UPP2: variants seen among roughly 807,000 people sequenced by gnomAD.
UPP2 encodes uridine phosphorylase 2.
In UPP2, 23 loss-of-function variants were observed where a neutral mutation model predicts 26.7. The observed-to-expected ratio is 0.86, with a 90% CI of 0.62 to 1.22. UPP2 has a LOEUF of 1.22. Among genes scored for constraint, UPP2 ranks in the 50% most tolerant of loss-of-function variants. UPP2 has a pLI of 0.00. For missense variants in UPP2, 387 were observed against 396.7 expected, an observed-to-expected ratio of 0.98 and a Z score of 0.21; for synonymous variants, 127 against 141.3, an observed-to-expected ratio of 0.90 and a Z score of 0.72.
intron 3 of UPP2, among the ~76,000 whole-genome samples, chr2:158,092,345 A>T (rs536148605): frequency 6.6e-6 from 1 of 152,234 alleles, no homozygotes; most frequent in Non-Finnish European, 1.5e-5. Context: ...TCTAGATGCA[A>T]CCAGAAAGAA....
At chr2:158,112,872 A>G (rs1233777512) in intron 2 of UPP2, among the ~76,000 whole-genome samples, 2 of 152,212 alleles carry the variant, frequency 1.3e-5, no homozygotes, top group Non-Finnish European at 2.9e-5. Context: ...AAAATCCTTA[A>G]CATATTTTTG....
At chr2:158,019,487 G>C (rs537016218) in intron 3 of UPP2, among the ~76,000 whole-genome samples, 1 of 152,246 alleles carries the variant, frequency 6.6e-6, no homozygotes, top group Non-Finnish European at 1.5e-5. Context: ...GGTTCATCTT[G>C]CTTCCTCTTA....
intron 3 of UPP2, among the ~76,000 whole-genome samples, chr2:158,039,501 A>C (rs571406914): frequency 5.3e-5 from 8 of 152,350 alleles, no homozygotes; most frequent in African/African-American, 1.9e-4. Context: ...AACTTGCTCA[A>C]GGTTACATAG....
intron 3 of UPP2, among the ~76,000 whole-genome samples, chr2:158,021,135 G>C (rs75179196): frequency 6.6e-6 from 1 of 152,190 alleles, no homozygotes; most frequent in East Asian, 1.9e-4. Flanking sequence ...AGAGGAAACT[G>C]TATCAAAACA....
intron 2 of UPP2, among the ~76,000 whole-genome samples, chr2:157,997,197 A>G (rs1455947835): frequency 6.6e-6 from 1 of 152,240 alleles, no homozygotes; most frequent in African/African-American, 2.4e-5. Context: ...TCAAAAAATC[A>G]GTAAAATATA....
At chr2:158,009,516 G>C (rs1212029647) in intron 2 of UPP2, among the ~76,000 whole-genome samples, 1 of 152,218 alleles carries the variant, frequency 6.6e-6, no homozygotes, top group Non-Finnish European at 1.5e-5. Flanking sequence ...GGGAGTCTGT[G>C]TGCAGATGAA....
intron 3 of UPP2, among the ~76,000 whole-genome samples, chr2:158,028,796 GGCA>G (rs1683875617): frequency 6.6e-6 from 1 of 152,140 alleles, no homozygotes; most frequent in East Asian, 1.9e-4. Flanking sequence ...CTTACATGGC[GGCA>G]GCAAGAGAAA....
chr2:158,038,015 G>A (rs1378150238), intron 3 of UPP2, among the ~76,000 whole-genome samples: 1 of 152,148 alleles, frequency 6.6e-6, no homozygotes, highest in Non-Finnish European at 1.5e-5. Flanking sequence ...TATCCTCAAT[G>A]GGTAGAAGCA....
chr2:158,006,504 A>G (rs1029591066), intron 2 of UPP2, among the ~76,000 whole-genome samples: 2 of 150,790 alleles, frequency 1.3e-5, no homozygotes, highest in East Asian at 1.9e-4. Context: ...AAAAAAGTCC[A>G]TAATTCCCAA....
chr2:158,058,624 T>C (rs1558917502), intron 3 of UPP2, among the ~76,000 whole-genome samples: 1 of 151,908 alleles, frequency 6.6e-6, no homozygotes, highest in African/African-American at 2.4e-5. Context: ...ATCCAGTCTG[T>C]GGTATTTTTT....
At chr2:158,075,508 T>C (rs1460859004) in intron 3 of UPP2, among the ~76,000 whole-genome samples, 1 of 151,960 alleles carries the variant, frequency 6.6e-6, no homozygotes, top group Non-Finnish European at 1.5e-5. Context: ...CACCATGGAA[T>C]AGAACTAGAA....
rs1683925795 is a variant in UPP2, at chr2:158,136,101, T to C, written c.*1211T>C. 6.6e-6 allele frequency: 1 copy of C among 152,110 alleles called. No individual in the cohort carries two copies. 9.4% of individuals were successfully genotyped at this position (152,110 alleles called of 1,614,324 possible). A position where few individuals can be genotyped will look rare whatever the true frequency, so the allele number is the denominator to read the frequency against. On this transcript the variant is annotated 3_prime_UTR_variant, in exon 7 of 7. Coordinates refer to ENST00000005756, the MANE Select transcript of UPP2 (RefSeq NM_173355.4). ...GGGAATGTCTTTCTCTTTCAAGCAA[T>C]GACAATAAACAAGAGGTATTTATCA...
chr2:158,043,253 A>T (rs1684105400), intron 3 of UPP2, among the ~76,000 whole-genome samples: 1 of 152,172 alleles, frequency 6.6e-6, no homozygotes, highest in African/African-American at 2.4e-5. Context: ...GCCTCAGGGG[A>T]GCTGGCCTGG....
At chr2:158,021,688 C>T (rs1341608810) in intron 3 of UPP2, among the ~76,000 whole-genome samples, 1 of 152,096 alleles carries the variant, frequency 6.6e-6, no homozygotes, top group African/African-American at 2.4e-5. Context: ...TTTTAATTTG[C>T]TTTTATCACT....
At chr2:158,086,103 T>C (rs1223054401) in intron 3 of UPP2, among the ~76,000 whole-genome samples, 1 of 152,152 alleles carries the variant, frequency 6.6e-6, no homozygotes, top group Non-Finnish European at 1.5e-5. Flanking sequence ...GAATGTCTGA[T>C]AGAATTCAGG....
Position 158,123,755 on chromosome 2 carries a change from G to T in UPP2, c.671G>T (p.Gly224Val), listed in dbSNP as rs1435549925. 7 of 1,613,714 alleles carry T rather than the reference G, an allele frequency of 4.3e-6. No individual in the cohort carries two copies. Among genetic ancestry groups the T allele is most frequent in the African/African-American group, 1.3e-5 (1 of 75,054 alleles). The change falls in exon 6 of 7, where the codon GGC (glycine) becomes GTC (valine). Residue 224 changes from glycine (G) to valine (V), a missense_variant. Gly to Val is a moderately radical substitution (Grantham distance 109, BLOSUM62 -3). Coordinates refer to ENST00000005756, the MANE Select transcript of UPP2 (RefSeq NM_173355.4). ...MCTYDFYEGQ[G>V]RLDGALCSFS... ...GTTCTCCCCTCCCTTTCAGGCCAAG[G>T]CCGACTAGATGGAGCACTGTGCTCC...
chr2:158,119,577 A>G (rs1401366477), intron 4 of UPP2, among the ~76,000 whole-genome samples: 1 of 152,094 alleles, frequency 6.6e-6, no homozygotes, highest in African/African-American at 2.4e-5. Context: ...AACCTTAACC[A>G]TGACATAATA....
chr2:158,023,042 C>T (rs2105149908), intron 3 of UPP2, among the ~76,000 whole-genome samples: 1 of 144,450 alleles, frequency 6.9e-6, no homozygotes, highest in Non-Finnish European at 1.5e-5. Context: ...CCTAGACATT[C>T]TTACAGGTAT....
Position 157,995,232 on chromosome 2 carries a change from C to T in UPP2, c.34C>T (p.Gln12Ter). The change falls in exon 2 of 10, where the codon CAA (glutamine) becomes TAA (stop). Residue 12 changes from glutamine (Q) to a stop codon, truncating the protein, a stop_gained. Coordinates refer to the UPP2 transcript ENST00000605860. LOFTEE classifies it high-confidence loss of function. ...CCCAGGCTGTGAGTTGGACCCAGAC[C>T]AAGAAGTGGTGAGGACAAGGCCTGA... is the stretch of plus-strand genomic sequence containing the variant. 4 of 1,613,636 alleles carry T rather than the reference C, an allele frequency of 2.5e-6. No homozygotes were observed.
Sources: gnomAD v4.1 joint callset for allele counts (sites outside exome capture counted in the v4.1 genomes callset) on GRCh38, gnomAD v4.1.1 for gene constraint, MANE v1.5 for transcripts, NCBI Gene and HGNC (gene_info 2026-07-23, HGNC 2026-07-21) for gene names.